Variants in ANO1 observed in about 807,000 individuals in gnomAD.
ANO1 encodes the protein anoctamin-1.
Under a neutral mutation model 124.0 loss-of-function variants are expected in ANO1, and 59 were observed. The observed-to-expected ratio is 0.48, with a 90% confidence interval of 0.39 to 0.59. The LOEUF (loss-of-function observed/expected upper bound fraction) is 0.59. ANO1 is among the 20% of genes least tolerant of loss of function. The pLI is 0.00. For missense variants in ANO1, 1,059 were observed against 1,328.0 expected, an observed-to-expected ratio of 0.80 and a Z score of 3.15; for synonymous variants, 529 against 532.0, an observed-to-expected ratio of 0.99 and a Z score of 0.08.
intron 1 of ANO1, among the ~76,000 whole-genome samples, chr11:70,083,673 C>G (rs989680906): frequency 6.6e-6 from 1 of 152,144 alleles, no homozygotes; most frequent in African/African-American, 2.4e-5. Context: ...CTCCCTGTCT[C>G]TAAGGATTTG....
At chr11:70,139,682 C>G (rs2047079085) in intron 11 of ANO1, among the ~76,000 whole-genome samples, 1 of 152,216 alleles carries the variant, frequency 6.6e-6, no homozygotes, top group African/African-American at 2.4e-5. Flanking sequence ...GATTCCATGT[C>G]TTTGCTCTCA....
chr11:70,017,018 G>C (rs1856714469), intron 1 of ANO1, among the ~76,000 whole-genome samples: 1 of 152,222 alleles, frequency 6.6e-6, no homozygotes, highest in South Asian at 2.1e-4. Context: ...CTAGAATCCA[G>C]GCTGCCGGGG....
Position 70,095,283 on chromosome 11 carries a change from G to GGAAGGAAGGAAGGAAGGAAGGAAGGAAA in ANO1, c.441+7218_441+7219insGGAAGGAAAGAAGGAAGGAAGGAAGGAA, listed in dbSNP as rs2044825186. On this transcript the variant is annotated intron_variant, in intron 2 of 25. Transcript: ENST00000355303. ...AGGAAGGAAGGAAGGAAGGAAGGAA[G>GGAAGGAAGGAAGGAAGGAAGGAAGGAAA]GAAGGAAGGAAGGAAGGAAAGAAAG... 5.1e-4 allele frequency among the ~76,000 whole-genome samples: 43 copies of GGAAGGAAGGAAGGAAGGAAGGAAGGAAA among 84,094 alleles called. 4 individuals are homozygous for GGAAGGAAGGAAGGAAGGAAGGAAGGAAA. The highest frequency in any genetic ancestry group is 2.4e-3 in the African/African-American group (41 of 17,172). The allele number at this position is 84,094 out of a possible 152,430, so 55.2% of individuals were successfully genotyped here. A position where few individuals can be genotyped will look rare whatever the true frequency, so the allele number is the denominator to read the frequency against.
At chr11:70,066,035 C>T (rs569900152) in intron 1 of ANO1, among the ~76,000 whole-genome samples, 2 of 152,214 alleles carry the variant, frequency 1.3e-5, no homozygotes, top group East Asian at 1.9e-4. Context: ...TCTGCCTCCC[C>T]GCTGGAAGGT....
At chr11:69,982,033 G>A (rs1453810137), upstream of ANO1, among the ~76,000 whole-genome samples, 1 of 152,146 alleles carries the variant, frequency 6.6e-6, no homozygotes, top group Admixed American at 6.5e-5. Flanking sequence ...TGGGGGAGGG[G>A]GGAGATGGGG....
rs544411295 is a variant in ANO1, at chr11:70,137,955, C to T, written c.1258+5876C>T. Among the ~76,000 whole-genome samples, 12 of 147,894 alleles carry T rather than the reference C, an allele frequency of 8.1e-5. 3 individuals are homozygous for T. The South Asian group carries it at 2.1e-3, about 25-fold the overall frequency. On this transcript the variant is annotated intron_variant, in intron 11 of 25. Transcript: ENST00000355303. ...CTGTTGCTTTTTGAAATTTTGAAAACGTAGCCTTGGGTCCTAGGAGATTGA... is the reference window on the plus strand; with the variant it reads ...CTGTTGCTTTTTGAAATTTTGAAAATGTAGCCTTGGGTCCTAGGAGATTGA...
chr11:70,172,127 A>AAG, intron 22 of ANO1, among the ~76,000 whole-genome samples: 1 of 145,242 alleles, frequency 6.9e-6, no homozygotes, highest in African/African-American at 2.5e-5. Flanking sequence ...CTTAAAAAAA[A>AAG]AAAAAAAAAG....
intron 1 of ANO1, among the ~76,000 whole-genome samples, chr11:70,062,152 C>T (rs1193744852): frequency 7.7e-6 from 1 of 129,322 alleles, no homozygotes; most frequent in African/African-American, 2.9e-5. Context: ...TCTTGGCTCA[C>T]TGCAACCTCT....
At chr11:69,979,911 T>C in the ANO1 span, among the ~76,000 whole-genome samples, 2 of 152,084 alleles carry the variant, frequency 1.3e-5, no homozygotes, top group Non-Finnish European at 2.9e-5. Context: ...AGCACACCCG[T>C]CTCCCTGGCC....
chr11:70,156,118 C>T (rs1334567716), intron 15 of ANO1, 130 bp downstream of exon 15: 42 of 999,764 alleles, frequency 4.2e-5, no homozygotes, highest in Non-Finnish European at 5.7e-5. Context: ...CTCTGTCTTC[C>T]TTCGGCACCC....
At chr11:70,147,520 T>C (rs1436422065) in intron 11 of ANO1, among the ~76,000 whole-genome samples, 1 of 152,188 alleles carries the variant, frequency 6.6e-6, no homozygotes, top group Non-Finnish European at 1.5e-5. Flanking sequence ...GCGATAGCCA[T>C]TCCCTCACCT....
intron 16 of ANO1, among the ~76,000 whole-genome samples, chr11:70,159,874 C>A (rs1220421430): frequency 1.3e-5 from 2 of 152,246 alleles, no homozygotes; most frequent in Non-Finnish European, 2.9e-5. Context: ...CCCCACGCCT[C>A]GCAGCAGGGC....
At chr11:70,018,597 C>T (rs1856742848) in intron 1 of ANO1, among the ~76,000 whole-genome samples, 1 of 152,174 alleles carries the variant, frequency 6.6e-6, no homozygotes, top group South Asian at 2.1e-4. Context: ...TTCCAGACTA[C>T]ACTGAGCAGA....
intron 1 of ANO1, among the ~76,000 whole-genome samples, chr11:70,043,980 C>A (rs1857219366): frequency 6.6e-6 from 1 of 151,084 alleles, no homozygotes; most frequent in Non-Finnish European, 1.5e-5. Flanking sequence ...CTGTTTATAC[C>A]AAAAATAATA....
At chr11:70,093,868 G>A (rs974125143) in intron 2 of ANO1, among the ~76,000 whole-genome samples, 9 of 152,240 alleles carry the variant, frequency 5.9e-5, no homozygotes, top group African/African-American at 1.9e-4. Context: ...TCGGGGCTCC[G>A]AGTGCGGGTT....
chr11:69,973,379 G>A, the ANO1 span, among the ~76,000 whole-genome samples: 5 of 152,176 alleles, frequency 3.3e-5, no homozygotes, highest in East Asian at 1.9e-4. Flanking sequence ...ACCTGCGTCC[G>A]AGGGATCGGA....
In ANO1 at chr11:70,105,718, C is replaced by G. The variant is rs191580582; in HGVS notation, c.693-16C>G. 1.9e-6 allele frequency: 3 copies of G among 1,613,010 alleles called. No homozygotes were observed. Among genetic ancestry groups the G allele is most frequent in the Admixed American group, 1.7e-5 (1 of 60,014 alleles). On this transcript the variant is annotated splice_polypyrimidine_tract_variant and intron_variant, in intron 4 of 25. Coordinates refer to ENST00000355303, the MANE Select transcript of ANO1 (RefSeq NM_018043.7). ...CTGGTGAACTGTGTCTTGTTTCCTT[C>G]CCGATATTTCCACAGATTTGACTTG...
At chr11:70,145,943 C>CAAAAAAAAAAAAAA (rs10589426) in intron 11 of ANO1, among the ~76,000 whole-genome samples, 1 of 108,698 alleles carries the variant, frequency 9.2e-6, no homozygotes, top group Non-Finnish European at 1.8e-5. Flanking sequence ...TCTCAAAAAA[C>CAAAAAAAAAAAAAA]AAAAAAAAAA....
At chr11:70,162,376 G>A (rs947716243) in intron 18 of ANO1, among the ~76,000 whole-genome samples, 1 of 152,150 alleles carries the variant, frequency 6.6e-6, no homozygotes, top group African/African-American at 2.4e-5. Context: ...AGTCCAGGCA[G>A]AGAACCCCAG....
Sources: allele counts gnomAD v4.1 joint callset (sites outside exome capture counted in the v4.1 genomes callset), GRCh38; gene constraint gnomAD v4.1.1; transcripts MANE v1.5; gene names NCBI Gene and HGNC (gene_info 2026-07-23, HGNC 2026-07-21).